The following GMDS variants were observed in gnomAD, a reference collection of about 807,000 sequenced individuals.
GMDS encodes GDP-mannose 4,6 dehydratase.
In GMDS, 20 loss-of-function variants were observed where a neutral mutation model predicts 49.9. That is an observed-to-expected ratio of 0.40 (90% CI 0.28 to 0.58). The LOEUF (loss-of-function observed/expected upper bound fraction) is 0.58, where lower values mean the gene tolerates loss of function less well. Among genes scored for constraint, GMDS ranks in the 20% least tolerant of loss-of-function variants. The probability of loss-of-function intolerance (pLI) is 0.42; values close to 1 mark genes in which losing one functional copy is unlikely to be tolerated. For synonymous variants in GMDS, 177 were observed against 178.6 expected, an observed-to-expected ratio of 0.99 and a Z score of 0.07; for missense variants, 362 against 481.4, an observed-to-expected ratio of 0.75 and a Z score of 2.32.
intron 4 of GMDS, among the ~76,000 whole-genome samples, chr6:2,033,664 G>C (rs147578636): frequency 6.6e-6 from 1 of 152,184 alleles, no homozygotes; most frequent in Non-Finnish European, 1.5e-5. Flanking sequence ...GGTGTTCACC[G>C]CCATTGCTTT....
intron 9 of GMDS, among the ~76,000 whole-genome samples, chr6:1,661,645 C>T (rs951352337): frequency 6.6e-6 from 1 of 152,220 alleles, no homozygotes; most frequent in Admixed American, 6.5e-5. Flanking sequence ...TGCAGGAGAT[C>T]TGCTGACAGG....
chr6:2,001,359 T>A (rs1766808161), intron 4 of GMDS, among the ~76,000 whole-genome samples: 1 of 152,228 alleles, frequency 6.6e-6, no homozygotes, highest in African/African-American at 2.4e-5. Context: ...TACTGAGTTG[T>A]AAGAGTTTTT....
intron 1 of GMDS, among the ~76,000 whole-genome samples, chr6:2,206,392 TG>T (rs1283187827): frequency 6.6e-6 from 1 of 152,094 alleles, no homozygotes; most frequent in Non-Finnish European, 1.5e-5. Context: ...GGGGTGCCTC[TG>T]GGAGGCTCTA....
At chr6:1,701,883 T>C (rs192410497) in intron 9 of GMDS, among the ~76,000 whole-genome samples, 28 of 152,368 alleles carry the variant, frequency 1.8e-4, no homozygotes, top group Non-Finnish European at 3.7e-4. Flanking sequence ...TGAAACATGT[T>C]CTGATTCAAA....
chr6:1,853,386 C>T (rs1176455902), intron 7 of GMDS, among the ~76,000 whole-genome samples: 1 of 149,888 alleles, frequency 6.7e-6, no homozygotes, highest in African/African-American at 2.5e-5. Context: ...GGCGTGGTAG[C>T]GGGCGCCTGT....
At chr6:2,098,005 T>A (rs1438160263) in intron 4 of GMDS, among the ~76,000 whole-genome samples, 1 of 150,032 alleles carries the variant, frequency 6.7e-6, no homozygotes, top group Non-Finnish European at 1.5e-5. Context: ...CCCTTATGTT[T>A]TAAGAAAAAA....
intron 4 of GMDS, among the ~76,000 whole-genome samples, chr6:1,993,890 G>C (rs1766110469): frequency 6.6e-6 from 1 of 152,102 alleles, no homozygotes; most frequent in East Asian, 1.9e-4. Flanking sequence ...TATTCTCCCA[G>C]TGCCACGGGA....
intron 7 of GMDS, among the ~76,000 whole-genome samples, chr6:1,871,266 T>A (rs554884940): frequency 1.3e-5 from 2 of 152,326 alleles, no homozygotes; most frequent in African/African-American, 4.8e-5. Context: ...TTGCCTGTTG[T>A]CTCAGTGATA....
intron 4 of GMDS, among the ~76,000 whole-genome samples, chr6:2,010,941 C>T (rs1190880249): frequency 6.6e-6 from 1 of 152,034 alleles, no homozygotes; most frequent in Non-Finnish European, 1.5e-5. Context: ...AGATAAGATA[C>T]AGGTGCTTAT....
chr6:2,050,094 G>A (rs1362591596), intron 4 of GMDS, among the ~76,000 whole-genome samples: 5 of 152,082 alleles, frequency 3.3e-5, no homozygotes, highest in African/African-American at 1.2e-4. Flanking sequence ...CCAGGAGCTG[G>A]TTTTTGGAAA....
At chr6:2,145,135 A>T (rs1776487021) in intron 1 of GMDS, among the ~76,000 whole-genome samples, 1 of 152,234 alleles carries the variant, frequency 6.6e-6, no homozygotes, top group South Asian at 2.1e-4. Flanking sequence ...AACAGGTAGT[A>T]TGAATAGATT....
At chr6:1,773,711 G>C (rs895552115) in intron 7 of GMDS, among the ~76,000 whole-genome samples, 6 of 152,200 alleles carry the variant, frequency 3.9e-5, no homozygotes, top group African/African-American at 1.4e-4. Context: ...CACTCCTCTT[G>C]AGAGGATTTG....
Position 1,995,590 on chromosome 6 carries a change from A to G in GMDS, c.346-34624T>C, listed in dbSNP as rs190893604. ...TTTACTAGAGATCCTGCACTTAGGGAGATAAACACATGAAGCATTTAATCT... is the reference window on the plus strand; with the variant it reads ...TTTACTAGAGATCCTGCACTTAGGGGGATAAACACATGAAGCATTTAATCT... On this transcript the variant is annotated intron_variant, in intron 4 of 10. Coordinates refer to ENST00000380815, the MANE Select transcript of GMDS (RefSeq NM_001500.4). Among the ~76,000 whole-genome samples the G allele has an allele frequency of 1.1e-3, 160 of 152,306 alleles. 1 individual carries two copies. The highest frequency in any genetic ancestry group is 9.9e-3 in the Admixed American group (151 of 15,294).
At chr6:1,869,974 G>C (rs921397082) in intron 7 of GMDS, among the ~76,000 whole-genome samples, 1 of 152,232 alleles carries the variant, frequency 6.6e-6, no homozygotes, top group Admixed American at 6.5e-5. Flanking sequence ...CAGCTGAGAC[G>C]GCTCAGACCA....
rs574930633 is a variant in GMDS, at chr6:2,062,664, C to T, written c.345+53107G>A. 5.3e-5 allele frequency among the ~76,000 whole-genome samples: 8 copies of T among 152,224 alleles called. No homozygotes were observed. The South Asian group carries it at 1.5e-3, about 28-fold the overall frequency. On this transcript the variant is annotated intron_variant, in intron 4 of 10. Coordinates refer to ENST00000380815, the MANE Select transcript of GMDS (RefSeq NM_001500.4). ...AACAAAAGTCAAGATACAAAAATAG[C>T]CATTTTCTTTGTTGATCCAAACCAC...
chr6:1,735,715 G>A (rs1247760940), intron 8 of GMDS, among the ~76,000 whole-genome samples: 2 of 152,244 alleles, frequency 1.3e-5, no homozygotes, highest in South Asian at 4.1e-4. Flanking sequence ...CTCCCAATCT[G>A]GACAAGGTCC....
intron 1 of GMDS, among the ~76,000 whole-genome samples, chr6:2,199,156 T>A (rs1331716925): frequency 6.6e-6 from 1 of 152,262 alleles, no homozygotes; most frequent in Non-Finnish European, 1.5e-5. Flanking sequence ...GGTATAAATA[T>A]TTAGACTAAT....
At chr6:1,805,847 A>G (rs1455283361) in intron 7 of GMDS, among the ~76,000 whole-genome samples, 1 of 152,234 alleles carries the variant, frequency 6.6e-6, no homozygotes, top group Non-Finnish European at 1.5e-5. Flanking sequence ...AAGACTGTCA[A>G]GAGGAGTTCT....
chr6:2,054,757 GA>G (rs543022597), intron 4 of GMDS, among the ~76,000 whole-genome samples: 1,470 of 145,050 alleles, frequency 0.01, 12 homozygotes, highest in Middle Eastern at 0.018. Context: ...CCCAGGGGGG[GA>G]AAAAAAAAAC....
Sources: allele counts gnomAD v4.1 joint callset (sites outside exome capture counted in the v4.1 genomes callset), GRCh38; gene constraint gnomAD v4.1.1; transcripts MANE v1.5; gene names NCBI Gene and HGNC (gene_info 2026-07-23, HGNC 2026-07-21).